The following BCAS1 variants were observed in gnomAD, a reference collection of about 807,000 sequenced individuals.
The protein encoded by BCAS1 is brain enriched myelin associated protein 1.
Under a neutral mutation model 65.4 loss-of-function variants are expected in BCAS1, and 46 were observed. The ratio of observed to expected loss-of-function variants is 0.70; its 90% CI spans 0.55 to 0.90. The LOEUF (loss-of-function observed/expected upper bound fraction) is 0.90, where lower values mean the gene tolerates loss of function less well. Among genes scored for constraint, BCAS1 ranks in the 40% least tolerant of loss-of-function variants. The pLI is 0.00. For synonymous variants in BCAS1, 298 were observed against 293.5 expected, an observed-to-expected ratio of 1.02 and a Z score of -0.16; for missense variants, 793 against 771.2, an observed-to-expected ratio of 1.03 and a Z score of -0.33.
intron 1 of BCAS1, among the ~76,000 whole-genome samples, chr20:54,062,590 T>A (rs1223477960): frequency 6.6e-6 from 1 of 152,216 alleles, no homozygotes; most frequent in Non-Finnish European, 1.5e-5. Flanking sequence ...GTAAATTCAA[T>A]CCTAACAAAG....
chr20:53,954,804 T>G (rs2089651344), intron 11 of BCAS1, among the ~76,000 whole-genome samples: 3 of 152,224 alleles, frequency 2.0e-5, no homozygotes, highest in African/African-American at 7.2e-5. Context: ...GGAGAAAATT[T>G]AGAGCAGGGG....
At chr20:54,042,406 A>G (rs933672627) in intron 3 of BCAS1, among the ~76,000 whole-genome samples, 2 of 152,248 alleles carry the variant, frequency 1.3e-5, no homozygotes, top group African/African-American at 4.8e-5. Context: ...GTTTAAAAAA[A>G]TAAATAATCA....
chr20:54,045,971 A>G (rs1276373633), intron 3 of BCAS1, among the ~76,000 whole-genome samples: 1 of 152,172 alleles, frequency 6.6e-6, no homozygotes, highest in Non-Finnish European at 1.5e-5. Context: ...GTGTCCTTGG[A>G]GGGGGTAGGG....
chr20:54,022,858 C>T (rs1222199366), intron 4 of BCAS1, among the ~76,000 whole-genome samples: 1 of 152,222 alleles, frequency 6.6e-6, no homozygotes, highest in African/African-American at 2.4e-5. Flanking sequence ...ACCCAGGCTC[C>T]TAACACTTCC....
At chr20:54,039,915 T>C (rs1474430547) in intron 3 of BCAS1, among the ~76,000 whole-genome samples, 1 of 151,440 alleles carries the variant, frequency 6.6e-6, no homozygotes, top group African/African-American at 2.4e-5. Context: ...TTGTTGTTTT[T>C]ATAGAAATTG....
chr20:54,028,856 C>T lies in BCAS1; in HGVS notation c.259G>A (p.Glu87Lys), dbSNP rs750081990. The T allele has an allele frequency of 2.5e-6, 4 of 1,613,830 alleles. No individual in the cohort carries two copies. Among genetic ancestry groups the T allele is most frequent in the Admixed American group, 1.7e-5 (1 of 59,970 alleles). The change falls in exon 4 of 13, where the codon GAG becomes AAG. Residue 87 changes from glutamate (E) to lysine (K), a missense_variant. By Grantham distance (56) the Glu-to-Lys change is moderately conservative. Transcript: ENST00000688948. ...GKNLGKEAKP[E>K]APAAKSRFFL... is the part of the protein sequence containing the mutation. The stretch of plus-strand genomic sequence containing the variant: ...AAACGAGATTTAGCAGCTGGTGCCT[C>T]GGGTTTGGCCTCTTTCCCAAGATTC...
chr20:53,970,487 C>G (rs573247534), intron 9 of BCAS1, among the ~76,000 whole-genome samples: 64 of 152,310 alleles, frequency 4.2e-4, no homozygotes, highest in African/African-American at 1.5e-3. Context: ...TAGGCCAGGG[C>G]TTTGGAAAAA....
intron 4 of BCAS1, among the ~76,000 whole-genome samples, chr20:54,010,679 A>G (rs1288139880): frequency 1.3e-5 from 2 of 152,222 alleles, no homozygotes; most frequent in Admixed American, 6.5e-5. Flanking sequence ...ATTGATATAC[A>G]GGTTTAATGC....
intron 9 of BCAS1, among the ~76,000 whole-genome samples, chr20:53,970,306 A>G (rs1199758562): frequency 6.6e-6 from 1 of 152,206 alleles, no homozygotes; most frequent in East Asian, 1.9e-4. Flanking sequence ...GTACTTCTGG[A>G]GACTTCCACT....
At chr20:54,063,515 G>A (rs1238114119) in intron 1 of BCAS1, among the ~76,000 whole-genome samples, 3 of 152,190 alleles carry the variant, frequency 2.0e-5, no homozygotes, top group African/African-American at 4.8e-5. Flanking sequence ...TCCTCTCACC[G>A]AAAAGTCAAT....
chr20:54,010,400 G>A (rs984971098), intron 4 of BCAS1, among the ~76,000 whole-genome samples: 5 of 152,138 alleles, frequency 3.3e-5, no homozygotes, highest in African/African-American at 1.2e-4. Context: ...CAGCAAGGCT[G>A]AAGAATACAA....
chr20:53,959,435 G>A (rs2089806440), intron 10 of BCAS1, among the ~76,000 whole-genome samples: 2 of 152,118 alleles, frequency 1.3e-5, no homozygotes, highest in Non-Finnish European at 2.9e-5. Context: ...TGTATTTTTA[G>A]TAGAGACAGG....
chr20:54,040,881 C>A (rs556689039), intron 3 of BCAS1, among the ~76,000 whole-genome samples: 1 of 151,276 alleles, frequency 6.6e-6, no homozygotes, highest in South Asian at 2.1e-4. Flanking sequence ...AAAACTTGTA[C>A]ACAAATGTCC....
chr20:54,049,654 C>T (rs2092176253), intron 3 of BCAS1, among the ~76,000 whole-genome samples: 1 of 152,058 alleles, frequency 6.6e-6, no homozygotes, highest in South Asian at 2.1e-4. Flanking sequence ...AATCCTCCCA[C>T]CTCAGCCTCC....
chr20:54,057,489 G>A (rs568738906), intron 3 of BCAS1, among the ~76,000 whole-genome samples: 2 of 152,326 alleles, frequency 1.3e-5, no homozygotes, highest in South Asian at 4.1e-4. Flanking sequence ...GGTCTGCCAA[G>A]CTTCATGTTT....
chr20:54,000,203 T>C (rs2091022891), intron 4 of BCAS1, among the ~76,000 whole-genome samples: 1 of 152,220 alleles, frequency 6.6e-6, no homozygotes, highest in Non-Finnish European at 1.5e-5. Flanking sequence ...TCTGGAGACA[T>C]TTTTTTGATT....
intron 4 of BCAS1, among the ~76,000 whole-genome samples, chr20:54,022,137 T>C (rs1043982606): frequency 2.6e-5 from 4 of 152,240 alleles, no homozygotes; most frequent in African/African-American, 9.6e-5. Context: ...TAAGCAACAA[T>C]GGAGGACACC....
intron 3 of BCAS1, among the ~76,000 whole-genome samples, chr20:54,032,152 C>A (rs2091814653): frequency 1.3e-5 from 2 of 151,248 alleles, no homozygotes; most frequent in East Asian, 1.9e-4. Flanking sequence ...ACCCTACAAG[C>A]CAGAAGAGAT....
chr20:53,967,296 C>T (rs547987702), intron 9 of BCAS1, among the ~76,000 whole-genome samples: 1 of 152,228 alleles, frequency 6.6e-6, no homozygotes, highest in South Asian at 2.1e-4. Flanking sequence ...TGGCAAAATC[C>T]CTTCCCCAAG....
Sources: gnomAD v4.1 joint callset for allele counts (sites outside exome capture counted in the v4.1 genomes callset) on GRCh38, gnomAD v4.1.1 for gene constraint, MANE v1.5 for transcripts, NCBI Gene and HGNC (gene_info 2026-07-23, HGNC 2026-07-21) for gene names.